The following CDX2 variants were observed in gnomAD, a reference collection of about 807,000 sequenced individuals.
CDX2 encodes homeobox protein CDX-2.
In CDX2, 7 loss-of-function variants were observed where a neutral mutation model predicts 25.5. That is an observed-to-expected ratio of 0.27 (90% CI 0.16 to 0.52). The LOEUF (loss-of-function observed/expected upper bound fraction) is 0.52. CDX2 is among the 20% of genes least tolerant of loss of function. The probability of loss-of-function intolerance (pLI) is 0.97; values close to 1 mark genes in which losing one functional copy is unlikely to be tolerated. For missense variants in CDX2, 375 were observed against 431.4 expected, an observed-to-expected ratio of 0.87 and a Z score of 1.16; for synonymous variants, 222 against 198.6, an observed-to-expected ratio of 1.12 and a Z score of -0.99.
At chr13:27,965,435 T>C (rs1253277556) in intron 1 of CDX2, among the ~76,000 whole-genome samples, 1 of 152,128 alleles carries the variant, frequency 6.6e-6, no homozygotes, top group East Asian at 1.9e-4. Flanking sequence ...AAAACAGCTG[T>C]CATTGTGGGC....
intron 1 of CDX2, among the ~76,000 whole-genome samples, chr13:27,967,826 G>GT (rs1869410715): frequency 6.6e-6 from 1 of 152,148 alleles, no homozygotes; most frequent in Non-Finnish European, 1.5e-5. Context: ...CAGGTCAGAG[G>GT]TTCAGAGACG....
chr13:27,965,457 A>G (rs1393546240), intron 1 of CDX2, among the ~76,000 whole-genome samples: 6 of 152,086 alleles, frequency 3.9e-5, no homozygotes, highest in African/African-American at 1.2e-4. Flanking sequence ...CATGTTGTAG[A>G]GGGGGTGTGG....
intron 2 of CDX2, among the ~76,000 whole-genome samples, chr13:27,964,000 T>C (rs1869193378): frequency 6.6e-6 from 1 of 152,172 alleles, no homozygotes. Context: ...ATTAAACTAA[T>C]ACCCTTGGCT....
At chr13:27,965,134 G>T in intron 1 of CDX2, 119 bp from the exon 2 acceptor site, 2 of 1,120,784 alleles carry the variant, frequency 1.8e-6, no homozygotes, top group Non-Finnish European at 2.5e-6. Flanking sequence ...GGGGGCCCGG[G>T]TTTGGCTGGT....
chr13:27,962,943 G>T lies in CDX2; in HGVS notation c.*172C>A. 1 of 744,110 alleles carries T rather than the reference G, an allele frequency of 1.3e-6. No individual in the cohort carries two copies. Among genetic ancestry groups the T allele is most frequent in the Non-Finnish European group, 2.0e-6 (1 of 507,248 alleles). The allele number at this position is 744,110 out of a possible 1,614,324, so 46.1% of individuals were successfully genotyped here. A position where few individuals can be genotyped will look rare whatever the true frequency, so the allele number is the denominator to read the frequency against. On this transcript the variant is annotated 3_prime_UTR_variant, in exon 3 of 3. Coordinates refer to ENST00000381020, the MANE Select transcript of CDX2 (RefSeq NM_001265.6). ...AAATCTGGGAGAGTATATTTCTTGA[G>T]GCCCCAAATCCCACTTGTCTTACTC...
At chr13:27,965,084 C>T in intron 1 of CDX2, 69 bp from the exon 2 acceptor site, 2 of 1,508,048 alleles carry the variant, frequency 1.3e-6, no homozygotes, top group Non-Finnish European at 1.8e-6. Context: ...AATGACAAAC[C>T]TCCCTAACCC....
Position 27,968,887 on chromosome 13 carries a change from G to A in CDX2, c.120C>T (p.Tyr40=). 2 of 1,605,998 alleles carry A rather than the reference G, an allele frequency of 1.2e-6. No individual in the cohort carries two copies. The highest frequency in any genetic ancestry group is 1.3e-5 in the African/African-American group (1 of 74,894). The change falls in exon 1 of 3, where the codon TAC becomes TAT. Residue 40 remains tyrosine (Y), a synonymous_variant. Transcript: ENST00000381020. ...CTGCGGCCGCCACGTGGTAACCGCC[G>A]TAGTCCGGGTACTGCGGGGGGCTGA... ...NFVSPPQYPD[Y]GGYHVAAAAA... is the part of the protein sequence containing the mutation.
In CDX2 at chr13:27,968,421, C is replaced by T. The variant is rs780281951; in HGVS notation, c.541+45G>A. The T allele has an allele frequency of 5.5e-6, 8 of 1,441,614 alleles. No individual in the cohort carries two copies. The East Asian group carries it at 1.6e-4, about 29-fold the overall frequency. 89.3% of individuals were successfully genotyped at this position (1,441,614 alleles called of 1,614,324 possible). On this transcript the variant is annotated intron_variant, in intron 1 of 2. Coordinates refer to ENST00000381020, the MANE Select transcript of CDX2 (RefSeq NM_001265.6). ...ACGCGCAGCAGCCACTGGCTCGACC[C>T]GCGCCTTCCCAAGCACCCTCCGAAG... is the stretch of plus-strand genomic sequence containing the variant.
Position 27,963,062 on chromosome 13 carries a change from A to G in CDX2, c.*53T>C, listed in dbSNP as rs947022084. The G allele has an allele frequency of 5.2e-5, 81 of 1,564,144 alleles. No individual in the cohort carries two copies. Among genetic ancestry groups the G allele is most frequent in the Non-Finnish European group, 6.6e-5 (76 of 1,154,094 alleles). ...TCTCCTGAGGAGTCTAGCAGAGTCC[A>G]CGCTCCTCATGGCTCAGCCTGGAAT... On this transcript the variant is annotated 3_prime_UTR_variant, in exon 3 of 3. Transcript: ENST00000381020.
intron 1 of CDX2, among the ~76,000 whole-genome samples, chr13:27,966,634 G>A (rs1233749863): frequency 1.3e-5 from 2 of 152,136 alleles, no homozygotes; most frequent in Non-Finnish European, 1.5e-5. Flanking sequence ...CGGACGTGCC[G>A]GGCAACGCGA....
intron 1 of CDX2, among the ~76,000 whole-genome samples, chr13:27,965,459 G>C (rs747065072): frequency 6.6e-6 from 1 of 152,136 alleles, no homozygotes; most frequent in Admixed American, 6.5e-5. Context: ...TGTTGTAGAG[G>C]GGGTGTGGGG....
Position 27,968,532 on chromosome 13 carries a change from C to T in CDX2, c.475G>A (p.Gly159Ser). ...TCGCACAGGTTCCGCCGCTGGCCGC[C>T]GGGAGACAGCTGCTCGGCGGCAGCG... ...ATAAAEQLSP[G>S]GQRRNLCEWM... is the part of the protein sequence containing the mutation. Residue 159 changes from glycine to serine, a missense_variant, in exon 1 of 3, where the codon GGC becomes AGC. This residue lies in a region of CDX2 where 253 missense variants were observed against 247.5 expected (regional missense o/e 1.02). Coordinates refer to ENST00000381020, the MANE Select transcript of CDX2 (RefSeq NM_001265.6). The T allele has an allele frequency of 1.9e-6, 3 of 1,564,598 alleles. No individual in the cohort carries two copies. Among genetic ancestry groups the T allele is most frequent in the Non-Finnish European group, 1.7e-6 (2 of 1,166,180 alleles).
chr13:27,963,254 G>C lies in CDX2; in HGVS notation c.803C>G (p.Pro268Arg). 2 of 1,614,106 alleles carry C rather than the reference G, an allele frequency of 1.2e-6. No homozygotes were observed. The highest frequency in any genetic ancestry group is 1.7e-6 in the Non-Finnish European group (2 of 1,179,990). ...PQPPPPPPQP[P>R]QPQPGPLRSV... is the part of the protein sequence containing the mutation. ...TCTCAGAGGACCTGGCTGAGGCTGG[G>C]GAGGCTGTGGTGGCGGCGGAGGCGG... Residue 268 changes from proline (P) to arginine (R), a missense_variant, in exon 3 of 3, where the codon CCC (proline) becomes CGC (arginine). Pro to Arg is a moderately radical substitution (Grantham distance 103). Coordinates refer to ENST00000381020, the MANE Select transcript of CDX2 (RefSeq NM_001265.6).
At chr13:27,965,091 A>C in intron 1 of CDX2, 76 bp from the exon 2 acceptor site, 3 of 1,454,038 alleles carry the variant, frequency 2.1e-6, no homozygotes, top group Non-Finnish European at 2.8e-6. Flanking sequence ...AACCTCCCTA[A>C]CCCAGGGACA....
Position 27,964,755 on chromosome 13 carries a change from ATC to A in CDX2, c.687+113_687+114del, listed in dbSNP as rs1869229521. On this transcript the variant is annotated intron_variant, in intron 2 of 2. Transcript: ENST00000381020. This position sits in a 1 kb window ranked among gnomAD's most constrained non-coding sequence, Gnocchi z 4.7. The stretch of plus-strand genomic sequence containing the variant: ...AAGGACTCCAAAGACGAATGCTTGC[ATC>A]CTCCTGCTTCAGTCTCTCCACAGAT... 1.2e-6 allele frequency: 1 copy of A among 854,644 alleles called. No homozygotes were observed. Among genetic ancestry groups the A allele is most frequent in the South Asian group, 1.6e-5 (1 of 60,998 alleles). 52.9% of individuals were successfully genotyped at this position (854,644 alleles called of 1,614,324 possible). A position where few individuals can be genotyped will look rare whatever the true frequency, so the allele number is the denominator to read the frequency against.
At chr13:27,968,336 C>A in intron 1 of CDX2, 130 bp downstream of exon 1, 2 of 1,152,836 alleles carry the variant, frequency 1.7e-6, no homozygotes, top group Non-Finnish European at 1.1e-6. Context: ...CCGGGCCGTG[C>A]CCCTCCTGGC....
Position 27,968,933 on chromosome 13 carries a change from T to C in CDX2, c.74A>G (p.Asn25Ser), listed in dbSNP as rs1396059209. The C allele has an allele frequency of 1.2e-6, 2 of 1,608,836 alleles. No individual in the cohort carries two copies. Among genetic ancestry groups the C allele is most frequent in the East Asian group, 2.2e-5 (1 of 44,770 alleles). The part of the protein sequence containing the change: ...PSSVRHSGGL[N>S]LAPQNFVSPP... Reference sequence around the variant, plus strand: ...GCTGACGAAGTTCTGCGGCGCCAGGTTGAGGCCGCCAGAGTGGCGCACGGA... The same window carrying C: ...GCTGACGAAGTTCTGCGGCGCCAGGCTGAGGCCGCCAGAGTGGCGCACGGA... Residue 25 changes from asparagine to serine, a missense_variant, in exon 1 of 3, where the codon AAC becomes AGC. Physicochemically the swap from Asn to Ser is conservative, Grantham distance 46. Around this residue, in one of 3 missense-constraint regions of CDX2, gnomAD observed 253 missense variants for 247.5 expected, o/e 1.02. Transcript: ENST00000381020.
chr13:27,965,106 T>C (rs1384611545), intron 1 of CDX2, 91 bp from the exon 2 acceptor site: 1 of 1,388,792 alleles, frequency 7.2e-7, no homozygotes, highest in African/African-American at 1.4e-5. Context: ...GGGACATTTC[T>C]CTTCCTCCAC....
rs1276412090 is a variant in CDX2, at chr13:27,961,408, A to G, written c.*1707T>C. Among the ~76,000 whole-genome samples, 5 of 152,210 alleles carry G rather than the reference A, an allele frequency of 3.3e-5. No homozygotes were observed. Among genetic ancestry groups the G allele is most frequent in the South Asian group, 2.1e-4 (1 of 4,828 alleles). On this transcript the variant is annotated 3_prime_UTR_variant, in exon 3 of 3. Transcript: ENST00000381020. The stretch of plus-strand genomic sequence containing the variant: ...GCCCCCCTCGCCCGGGTCCTGCCGG[A>G]AAGTTCAGCTCGGCGGCCTCCAGGA...
Sources: gnomAD v4.1 joint callset for allele counts (sites outside exome capture counted in the v4.1 genomes callset) on GRCh38, gnomAD v4.1.1 for gene constraint, gnomAD v4.1.1 regional missense constraint, Gnocchi (gnomAD v3.1) non-coding constraint, MANE v1.5 for transcripts, NCBI Gene and HGNC (gene_info 2026-07-23, HGNC 2026-07-21) for gene names.